TENM3: variants seen among roughly 807,000 people sequenced by gnomAD.
TENM3 encodes the protein teneurin transmembrane protein 3, also known as teneurin-3.
Under a neutral mutation model 255.1 loss-of-function variants are expected in TENM3, and 63 were observed. The ratio of observed to expected loss-of-function variants is 0.25; its 90% CI spans 0.20 to 0.30. The LOEUF (loss-of-function observed/expected upper bound fraction) is 0.30. Ranked by LOEUF, TENM3 falls within the 10% of genes least tolerant of loss-of-function variation. The probability of loss-of-function intolerance (pLI) is 1.00; values close to 1 mark genes in which losing one functional copy is unlikely to be tolerated. For synonymous variants in TENM3, 1,306 were observed against 1,322.3 expected (o/e 0.99, Z 0.27); for missense variants, 2,929 against 3,461.1 (o/e 0.85, Z 3.86).
chr4:181,546,607 G>C, the TENM3 span, among the ~76,000 whole-genome samples: 1 of 142,094 alleles, frequency 7.0e-6, no homozygotes, highest in East Asian at 2.1e-4. Flanking sequence ...CCAGCTACTC[G>C]GGAGGCTGAG....
chr4:182,350,845 C>T lies in TENM3; in HGVS notation c.511+3916C>T, dbSNP rs183677002. Among the ~76,000 whole-genome samples, 218 of 152,212 alleles carry T rather than the reference C, an allele frequency of 1.4e-3. 1 individual carries two copies. Among genetic ancestry groups the T allele is most frequent in the Non-Finnish European group, 2.0e-3 (135 of 68,010 alleles). On this transcript the variant is annotated intron_variant, in intron 3 of 27. Transcript: ENST00000511685. ...GATTACAGGTGCACAACACCACGCC[C>T]AGCTAATTTTTGTATTTTTAGTAGA...
chr4:181,800,863 A>T, the TENM3 span, among the ~76,000 whole-genome samples: 1 of 152,180 alleles, frequency 6.6e-6, no homozygotes, highest in South Asian at 2.1e-4. Context: ...TACTCTTACT[A>T]TGAATAAAAT....
chr4:181,862,160 T>C, the TENM3 span, among the ~76,000 whole-genome samples: 2 of 152,074 alleles, frequency 1.3e-5, no homozygotes, highest in Non-Finnish European at 1.5e-5. Flanking sequence ...AAAGACAAAA[T>C]AGATATTTAA....
chr4:181,582,073 G>A, the TENM3 span, among the ~76,000 whole-genome samples: 1 of 152,188 alleles, frequency 6.6e-6, no homozygotes, highest in Non-Finnish European at 1.5e-5. Flanking sequence ...AATTCTCAAT[G>A]AGCACAAGCT....
chr4:182,701,264 A>T (rs549809760), intron 12 of TENM3, among the ~76,000 whole-genome samples: 1 of 102,132 alleles, frequency 9.8e-6, no homozygotes, highest in East Asian at 3.0e-4. Flanking sequence ...TCTGTTGCCC[A>T]GGCTGGAGAG....
the TENM3 span, among the ~76,000 whole-genome samples, chr4:182,066,599 AATAT>A: frequency 0.079 from 10,853 of 136,950 alleles, 518 homozygotes; most frequent in Middle Eastern, 0.13. Context: ...GTAAAAAAAA[AATAT>A]ATATATATAT....
At chr4:181,836,202 C>CACACACAG in the TENM3 span, among the ~76,000 whole-genome samples, 3 of 151,734 alleles carry the variant, frequency 2.0e-5, no homozygotes, top group African/African-American at 7.3e-5. Context: ...CACACACACA[C>CACACACAG]ACACACAACT....
chr4:182,123,219 G>A, the TENM3 span, among the ~76,000 whole-genome samples: 1 of 152,124 alleles, frequency 6.6e-6, no homozygotes, highest in Admixed American at 6.5e-5. Flanking sequence ...AACATTCTCT[G>A]TATCAGCAGT....
At chr4:181,757,318 A>C in the TENM3 span, among the ~76,000 whole-genome samples, 9 of 152,010 alleles carry the variant, frequency 5.9e-5, no homozygotes, top group South Asian at 1.9e-3. Context: ...TCTCCCACTG[A>C]GTTTCCATAG....
chr4:181,908,956 G>A, the TENM3 span, among the ~76,000 whole-genome samples: 1 of 152,132 alleles, frequency 6.6e-6, no homozygotes, highest in African/African-American at 2.4e-5. Flanking sequence ...TTTGGTTATA[G>A]GTATTAGAAT....
At chr4:182,189,931 T>G (rs1753406352) in intron 1 of TENM3, among the ~76,000 whole-genome samples, 1 of 152,222 alleles carries the variant, frequency 6.6e-6, no homozygotes, top group South Asian at 2.1e-4. Context: ...TTTGTGGATT[T>G]TGCCTTTAGG....
chr4:181,940,422 C>T, the TENM3 span, among the ~76,000 whole-genome samples: 24 of 152,234 alleles, frequency 1.6e-4, no homozygotes, highest in African/African-American at 1.2e-4. Flanking sequence ...GTATTTACTA[C>T]GCATTGAATC....
At chr4:181,949,874 CTTG>C in the TENM3 span, among the ~76,000 whole-genome samples, 3 of 152,156 alleles carry the variant, frequency 2.0e-5, no homozygotes, top group Admixed American at 2.0e-4. Flanking sequence ...GGTCTTTCCA[CTTG>C]TTGTTCCTCT....
chr4:181,628,766 G>A, the TENM3 span, among the ~76,000 whole-genome samples: 14 of 152,114 alleles, frequency 9.2e-5, no homozygotes, highest in East Asian at 1.9e-4. Context: ...GTCAGGTAGC[G>A]TGATGCCTCC....
intron 3 of TENM3, among the ~76,000 whole-genome samples, chr4:182,403,570 T>C (rs1170164210): frequency 6.6e-6 from 1 of 152,238 alleles, no homozygotes; most frequent in Non-Finnish European, 1.5e-5. Flanking sequence ...TTAAGTATTA[T>C]CTATTCTTCT....
chr4:181,961,111 G>C, the TENM3 span, among the ~76,000 whole-genome samples: 2 of 152,278 alleles, frequency 1.3e-5, no homozygotes, highest in East Asian at 3.9e-4. Context: ...TTATCCATGG[G>C]CACCCACTAC....
chr4:182,549,395 G>A (rs1320043661), intron 3 of TENM3, among the ~76,000 whole-genome samples: 2 of 152,192 alleles, frequency 1.3e-5, no homozygotes, highest in East Asian at 3.8e-4. Context: ...GTCTATAATA[G>A]CATAAAAATC....
At chr4:182,760,036 A>G (rs1763024048) in intron 22 of TENM3, among the ~76,000 whole-genome samples, 2 of 152,188 alleles carry the variant, frequency 1.3e-5, no homozygotes, top group Non-Finnish European at 2.9e-5. Flanking sequence ...CACGAGCTAA[A>G]TAATTATTCA....
chr4:181,528,630 A>T, the TENM3 span, among the ~76,000 whole-genome samples: 4 of 152,226 alleles, frequency 2.6e-5, no homozygotes, highest in African/African-American at 7.2e-5. Context: ...AGGTTGAATT[A>T]TTCACCTCAT....
Sources: gnomAD v4.1 joint callset for allele counts (sites outside exome capture counted in the v4.1 genomes callset) on GRCh38, gnomAD v4.1.1 for gene constraint, MANE v1.5 for transcripts, NCBI Gene and HGNC (gene_info 2026-07-23, HGNC 2026-07-21) for gene names.